Variants in KCNMB2 observed in about 807,000 individuals in gnomAD.
KCNMB2 encodes the protein potassium calcium-activated channel subfamily M regulatory beta subunit 2.
Under a neutral mutation model 24.5 loss-of-function variants are expected in KCNMB2, and 9 were observed. That is an observed-to-expected ratio of 0.37 (90% CI 0.22 to 0.64). The LOEUF (loss-of-function observed/expected upper bound fraction) is 0.64. KCNMB2 is among the 30% of genes least tolerant of loss of function. The pLI is 0.63. For missense variants in KCNMB2, 226 were observed against 284.3 expected, an observed-to-expected ratio of 0.79 and a Z score of 1.47; for synonymous variants, 109 against 104.4, an observed-to-expected ratio of 1.04 and a Z score of -0.27.
intron 1 of KCNMB2, among the ~76,000 whole-genome samples, chr3:178,722,102 T>G (rs573800321): frequency 6.6e-6 from 1 of 152,210 alleles, no homozygotes; most frequent in African/African-American, 2.4e-5. Flanking sequence ...ATCTGACAAC[T>G]CTTGCTTAAT....
At chr3:178,621,640 A>T (rs1718924620) in intron 1 of KCNMB2, among the ~76,000 whole-genome samples, 2 of 152,114 alleles carry the variant, frequency 1.3e-5, no homozygotes, top group Admixed American at 6.5e-5. Context: ...ACTTATTATA[A>T]TCAATAGCTA....
intron 1 of KCNMB2, among the ~76,000 whole-genome samples, chr3:178,573,005 A>C (rs1356412222): frequency 6.6e-6 from 1 of 152,134 alleles, no homozygotes; most frequent in African/African-American, 2.4e-5. Context: ...GAAAATGTAA[A>C]TACATTTGAG....
At chr3:178,711,138 C>A (rs920279757) in intron 1 of KCNMB2, among the ~76,000 whole-genome samples, 3 of 152,126 alleles carry the variant, frequency 2.0e-5, no homozygotes, top group Non-Finnish European at 4.4e-5. Context: ...ATTCTTTTTA[C>A]AGTTGAGAAA....
At chr3:178,565,169 C>T (rs1195371156) in intron 1 of KCNMB2, among the ~76,000 whole-genome samples, 1 of 152,082 alleles carries the variant, frequency 6.6e-6, no homozygotes, top group Admixed American at 6.6e-5. Flanking sequence ...GTAGTTACAT[C>T]TAGAGAATGA....
chr3:178,585,461 G>C (rs960340030), intron 1 of KCNMB2, among the ~76,000 whole-genome samples: 2 of 152,140 alleles, frequency 1.3e-5, no homozygotes, highest in Non-Finnish European at 2.9e-5. Context: ...ATCAAAGGTA[G>C]GATCATTGTT....
At chr3:178,768,387 T>G (rs1285369807) in intron 1 of KCNMB2, among the ~76,000 whole-genome samples, 1 of 152,014 alleles carries the variant, frequency 6.6e-6, no homozygotes, top group Non-Finnish European at 1.5e-5. Context: ...TGCAGCGCCC[T>G]CAAGTATTTT....
chr3:178,607,413 T>C (rs538560859), intron 1 of KCNMB2, among the ~76,000 whole-genome samples: 1 of 152,310 alleles, frequency 6.6e-6, no homozygotes, highest in South Asian at 2.1e-4. Context: ...TTAAAATGCC[T>C]GCAAACCTCT....
chr3:178,816,132 G>T (rs181163995), intron 2 of KCNMB2, among the ~76,000 whole-genome samples: 3 of 151,936 alleles, frequency 2.0e-5, no homozygotes, highest in Admixed American at 6.5e-5. Context: ...TTCCATTATG[G>T]TGATATTTTT....
intron 1 of KCNMB2, among the ~76,000 whole-genome samples, chr3:178,728,620 T>C (rs1043149726): frequency 6.6e-6 from 1 of 152,118 alleles, no homozygotes; most frequent in Non-Finnish European, 1.5e-5. Flanking sequence ...TCACCTCCAT[T>C]AGCCTCAGGT....
intron 1 of KCNMB2, among the ~76,000 whole-genome samples, chr3:178,774,208 T>A (rs971875409): frequency 6.6e-6 from 1 of 152,068 alleles, no homozygotes; most frequent in Non-Finnish European, 1.5e-5. Context: ...CGCTGGTAAG[T>A]AAGTTTTAGC....
intron 1 of KCNMB2, among the ~76,000 whole-genome samples, chr3:178,666,397 A>G (rs1720719693): frequency 6.6e-6 from 1 of 152,130 alleles, no homozygotes; most frequent in Non-Finnish European, 1.5e-5. Context: ...ATCTTTGTAG[A>G]GGCATGTGAC....
chr3:178,681,828 C>T (rs1266721988), intron 1 of KCNMB2, among the ~76,000 whole-genome samples: 1 of 152,074 alleles, frequency 6.6e-6, no homozygotes, highest in Non-Finnish European at 1.5e-5. Flanking sequence ...ATCTTGCATA[C>T]AGTGGGAGTC....
rs1354558155 is a variant in KCNMB2 at position 178,842,728 on chromosome 3, AG to A, written c.501del (p.Lys168SerfsTer20). 1 of 1,613,412 alleles carries A rather than the reference AG, an allele frequency of 6.2e-7. No homozygotes were observed. Among genetic ancestry groups the A allele is most frequent in the Non-Finnish European group, 8.5e-7 (1 of 1,179,444 alleles). On this transcript the variant is annotated frameshift_variant, in exon 5 of 5. Coordinates refer to ENST00000452583, the MANE Select transcript of KCNMB2 (RefSeq NM_181361.3). LOFTEE classifies it high-confidence loss of function. The stretch of plus-strand genomic sequence containing the variant: ...GGTGAATGTTGTCATGGAAAACTTC[AG>A]GAAGTATCAACACTTCTCCTGCTAT... ...SLVNVVMENF[R>X]KYQHFSCYSD... is the part of the protein sequence containing the mutation.
chr3:178,602,311 A>T (rs1042504741), intron 1 of KCNMB2, among the ~76,000 whole-genome samples: 3 of 151,352 alleles, frequency 2.0e-5, no homozygotes, highest in African/African-American at 4.9e-5. Context: ...CCACAAAAAA[A>T]TATATATATC....
chr3:178,583,575 C>T (rs1346905376), intron 1 of KCNMB2, among the ~76,000 whole-genome samples: 3 of 152,072 alleles, frequency 2.0e-5, no homozygotes, highest in Non-Finnish European at 4.4e-5. Flanking sequence ...GGATCTTTTA[C>T]AATGATGTCC....
At chr3:178,832,659 CCTAT>C (rs1332299987) in intron 4 of KCNMB2, among the ~76,000 whole-genome samples, 2 of 80,578 alleles carry the variant, frequency 2.5e-5, no homozygotes, top group Non-Finnish European at 4.6e-5. Context: ...TGGATACATT[CCTAT>C]CTTCTAATTC....
At position 178,574,372 on chromosome 3, in the gene KCNMB2, C is replaced by T. The variant is rs150407448; in HGVS notation, c.-68+37661C>T. ...GCTTCAGAACTAAGTGAGCCTTATT[C>T]CTTCCGGACATATCTTATCTCTTTG... On this transcript the variant is annotated intron_variant, in intron 1 of 4. Coordinates refer to ENST00000452583, the MANE Select transcript of KCNMB2 (RefSeq NM_181361.3). 4.4e-3 allele frequency among the ~76,000 whole-genome samples: 675 copies of T among 152,306 alleles called. 4 individuals carry two copies. Among genetic ancestry groups the T allele is most frequent in the Non-Finnish European group, 7.1e-3 (485 of 68,024 alleles).
At chr3:178,654,475 C>T (rs1720247867) in intron 1 of KCNMB2, among the ~76,000 whole-genome samples, 1 of 152,002 alleles carries the variant, frequency 6.6e-6, no homozygotes, top group African/African-American at 2.4e-5. Context: ...ATAAATAGAG[C>T]AAACCCAAAG....
intron 1 of KCNMB2, among the ~76,000 whole-genome samples, chr3:178,634,821 G>T (rs146672381): frequency 1.2e-4 from 18 of 152,214 alleles, no homozygotes; most frequent in African/African-American, 4.1e-4. Context: ...TGACCCTGAA[G>T]GCCTCTATAA....
Sources: allele counts gnomAD v4.1 joint callset (sites outside exome capture counted in the v4.1 genomes callset), GRCh38; gene constraint gnomAD v4.1.1; transcripts MANE v1.5; gene names NCBI Gene and HGNC (gene_info 2026-07-23, HGNC 2026-07-21).